IFT56: variants seen among roughly 807,000 people sequenced by gnomAD.
IFT56 encodes intraflagellar transport protein 56.
chr7:139,145,225 T>C, the IFT56 span, among the ~76,000 whole-genome samples: 2 of 152,050 alleles, frequency 1.3e-5, no homozygotes, highest in Non-Finnish European at 2.9e-5. Context: ...TATTTTTTTG[T>C]CCATTAAGCC....
the IFT56 span, chr7:139,160,866 A>G: frequency 2.2e-5 from 22 of 1,022,732 alleles, no homozygotes; most frequent in East Asian, 5.5e-4. Context: ...AATTCTTTGT[A>G]AATTATAAAC....
At chr7:139,139,522 A>G in the IFT56 span, among the ~76,000 whole-genome samples, 1 of 152,246 alleles carries the variant, frequency 6.6e-6, no homozygotes, top group African/African-American at 2.4e-5. Context: ...GGAGTGTATT[A>G]AAGCCATCAG....
chr7:139,159,782 G>T, the IFT56 span, among the ~76,000 whole-genome samples: 1 of 151,632 alleles, frequency 6.6e-6, no homozygotes, highest in African/African-American at 2.4e-5. Context: ...TGTGTAGTGG[G>T]GTTTATTATT....
the IFT56 span, among the ~76,000 whole-genome samples, chr7:139,136,586 G>C: frequency 1.3e-5 from 2 of 152,086 alleles, no homozygotes; most frequent in South Asian, 4.1e-4. Flanking sequence ...AAGTAGCTGA[G>C]ACTACAGGCA....
chr7:139,174,378 G>A, the IFT56 span: 51 of 455,470 alleles, frequency 1.1e-4, no homozygotes, highest in Non-Finnish European at 2.1e-4. Flanking sequence ...CTCCACTGGC[G>A]GCCCGCGTTG....
the IFT56 span, chr7:139,165,172 C>T: frequency 1.2e-6 from 2 of 1,613,430 alleles, no homozygotes; most frequent in Non-Finnish European, 1.7e-6. Context: ...CAGGTTTTAC[C>T]TCCCCTAGTT....
the IFT56 span, chr7:139,161,120 G>A: frequency 1.1e-5 from 12 of 1,090,586 alleles, no homozygotes; most frequent in Middle Eastern, 6.0e-4. Flanking sequence ...GCGCCAGCAA[G>A]TAATGCTTTA....
chr7:139,169,466 G>A, the IFT56 span: 6 of 904,854 alleles, frequency 6.6e-6, no homozygotes, highest in Non-Finnish European at 8.8e-6. Flanking sequence ...ACATTATAAA[G>A]TGGGAGGTCA....
At chr7:139,140,869 G>A in the IFT56 span, among the ~76,000 whole-genome samples, 2 of 151,552 alleles carry the variant, frequency 1.3e-5, no homozygotes, top group Non-Finnish European at 2.9e-5. Flanking sequence ...TGTTTGATAG[G>A]GAAGAATGTA....
the IFT56 span, chr7:139,173,715 C>A: frequency 6.5e-6 from 5 of 770,080 alleles, no homozygotes; most frequent in Non-Finnish European, 1.2e-5. Context: ...CTCTCATTGG[C>A]TGAAAAGGCT....
the IFT56 span, among the ~76,000 whole-genome samples, chr7:139,157,731 C>G: frequency 1.3e-5 from 2 of 151,998 alleles, no homozygotes; most frequent in South Asian, 2.1e-4. Context: ...GTCTTGAACT[C>G]CTGGGCTCAA....
At chr7:139,153,781 G>A in the IFT56 span, among the ~76,000 whole-genome samples, 3,016 of 152,186 alleles carry the variant, frequency 0.02, 75 homozygotes, top group East Asian at 0.074. Context: ...TACGAATGCT[G>A]CTTCTATAAA....
At chr7:139,169,644 G>A in the IFT56 span, among the ~76,000 whole-genome samples, 2 of 152,146 alleles carry the variant, frequency 1.3e-5, no homozygotes, top group Admixed American at 6.5e-5. Context: ...GCTCTTTTGA[G>A]CATTAACTTT....
At chr7:139,172,716 G>A in the IFT56 span, 2 of 625,348 alleles carry the variant, frequency 3.2e-6, no homozygotes, top group African/African-American at 3.6e-5. Flanking sequence ...CGCAGCAAAT[G>A]TTATACCCCA....
At chr7:139,187,356 C>A in the IFT56 span, 6 of 1,595,114 alleles carry the variant, frequency 3.8e-6, no homozygotes, top group Non-Finnish European at 5.1e-6. Context: ...CAGGTTCTTT[C>A]TGTGCAATCT....
the IFT56 span, among the ~76,000 whole-genome samples, chr7:139,152,223 CTCAAGTGA>C: frequency 6.6e-6 from 1 of 152,186 alleles, no homozygotes; most frequent in South Asian, 2.1e-4. Context: ...AACTCCTGGG[CTCAAGTGA>C]TCCTTTTGCC....
chr7:139,170,088 T>C, the IFT56 span, among the ~76,000 whole-genome samples: 1 of 152,190 alleles, frequency 6.6e-6, no homozygotes, highest in Non-Finnish European at 1.5e-5. Flanking sequence ...AGCAATGATA[T>C]GTCAGTAAAT....
the IFT56 span, chr7:139,187,468 T>C: frequency 6.2e-7 from 1 of 1,614,136 alleles, no homozygotes. Context: ...ATCCTAACCC[T>C]GAATATTGGG....
the IFT56 span, among the ~76,000 whole-genome samples, chr7:139,151,470 A>G: frequency 6.6e-6 from 1 of 152,202 alleles, no homozygotes; most frequent in African/African-American, 2.4e-5. Context: ...TAGGGTAGTG[A>G]TTATGAGTTT....
Sources: gnomAD v4.1 joint callset for allele counts (sites outside exome capture counted in the v4.1 genomes callset) on GRCh38, gnomAD v4.1.1 for gene constraint, MANE v1.5 for transcripts, NCBI Gene and HGNC (gene_info 2026-07-23, HGNC 2026-07-21) for gene names.